The following SNTG1 variants were observed in gnomAD, a reference collection of about 807,000 sequenced individuals.
SNTG1 encodes gamma-1-syntrophin.
A neutral mutation model predicts 74.7 loss-of-function variants in SNTG1; 39 were observed. That is an observed-to-expected ratio of 0.52 (90% CI 0.40 to 0.68). SNTG1 has a LOEUF of 0.68. SNTG1 is among the 30% of genes least tolerant of loss of function. The probability of loss-of-function intolerance (pLI) is 0.00; values close to 1 mark genes in which losing one functional copy is unlikely to be tolerated. For synonymous variants in SNTG1, 254 were observed against 217.1 expected (o/e 1.17, Z -1.49); for missense variants, 685 against 609.5 (o/e 1.12, Z -1.30).
intron 1 of SNTG1, among the ~76,000 whole-genome samples, chr8:50,046,517 A>G (rs1819098062): frequency 6.6e-6 from 1 of 152,206 alleles, no homozygotes; most frequent in Non-Finnish European, 1.5e-5. Flanking sequence ...TGGTAAGTTA[A>G]TTCTACTCTT....
At chr8:50,729,954 G>T (rs10111045) in intron 17 of SNTG1, among the ~76,000 whole-genome samples, 3 of 151,896 alleles carry the variant, frequency 2.0e-5, no homozygotes, top group Non-Finnish European at 4.4e-5. Flanking sequence ...CGAGCAGCTG[G>T]GAGATGGGAG....
At chr8:50,530,836 G>T in intron 10 of SNTG1, among the ~76,000 whole-genome samples, 1 of 152,082 alleles carries the variant, frequency 6.6e-6, no homozygotes, top group African/African-American at 2.4e-5. Context: ...TGAGTAAATC[G>T]ATTTTAATAT....
chr8:50,524,563 A>C (rs2130221137), intron 9 of SNTG1, among the ~76,000 whole-genome samples: 1 of 152,246 alleles, frequency 6.6e-6, no homozygotes, highest in East Asian at 1.9e-4. Context: ...CCACTTGTAT[A>C]GGTGTAGTTG....
At chr8:50,531,457 T>C (rs752171614) in intron 10 of SNTG1, among the ~76,000 whole-genome samples, 1 of 152,150 alleles carries the variant, frequency 6.6e-6, no homozygotes, top group Non-Finnish European at 1.5e-5. Flanking sequence ...AACTTAGATA[T>C]ACAACCAAAT....
chr8:50,014,008 C>A (rs1293554763), intron 1 of SNTG1, among the ~76,000 whole-genome samples: 1 of 151,976 alleles, frequency 6.6e-6, no homozygotes, highest in East Asian at 1.9e-4. Context: ...GAAAAATAAC[C>A]AAAGCCACAG....
intron 13 of SNTG1, among the ~76,000 whole-genome samples, chr8:50,643,504 A>G (rs922700835): frequency 6.6e-6 from 1 of 152,204 alleles, no homozygotes; most frequent in Non-Finnish European, 1.5e-5. Flanking sequence ...TAAAATGACA[A>G]TAGGCTCATT....
intron 1 of SNTG1, among the ~76,000 whole-genome samples, chr8:50,105,584 T>C (rs1159736350): frequency 6.6e-6 from 1 of 152,088 alleles, no homozygotes; most frequent in Admixed American, 6.6e-5. Context: ...GTTATTGGAA[T>C]TTTAGTAGGA....
At chr8:50,360,264 C>A (rs2091922018) in intron 2 of SNTG1, among the ~76,000 whole-genome samples, 1 of 152,130 alleles carries the variant, frequency 6.6e-6, no homozygotes, top group Non-Finnish European at 1.5e-5. Context: ...ATGAAACCCA[C>A]CCCCATTTCC....
Position 50,467,291 on chromosome 8 carries a change from A to C in SNTG1, c.363+16562A>C, listed in dbSNP as rs1284668235. Among the ~76,000 whole-genome samples, 3 of 151,876 alleles carry C rather than the reference A, an allele frequency of 2.0e-5. No homozygotes were observed. The East Asian group carries it at 5.8e-4, about 29-fold the overall frequency. ...ATATAATTTACTAACGAAACTCTAGATTTCGTGCTTTCTTTTTGTAATGTT... is the reference window on the plus strand; with the variant it reads ...ATATAATTTACTAACGAAACTCTAGCTTTCGTGCTTTCTTTTTGTAATGTT... On this transcript the variant is annotated intron_variant, in intron 8 of 18. Transcript: ENST00000642720.
At chr8:50,410,364 C>CA (rs2092931605) in intron 4 of SNTG1, among the ~76,000 whole-genome samples, 3 of 152,058 alleles carry the variant, frequency 2.0e-5, no homozygotes, top group Admixed American at 2.0e-4. Flanking sequence ...CACACATGCA[C>CA]AAAATACACG....
At chr8:49,969,498 G>A (rs1811461742) in intron 1 of SNTG1, among the ~76,000 whole-genome samples, 1 of 137,660 alleles carries the variant, frequency 7.3e-6, no homozygotes, top group African/African-American at 2.8e-5. Flanking sequence ...CCATGTTCAA[G>A]CAATTCTCCT....
chr8:50,508,620 T>C (rs879861143), intron 9 of SNTG1, among the ~76,000 whole-genome samples: 6 of 152,186 alleles, frequency 3.9e-5, no homozygotes, highest in African/African-American at 1.2e-4. Flanking sequence ...TTCTAACTGG[T>C]GTGAGATGGT....
intron 17 of SNTG1, among the ~76,000 whole-genome samples, chr8:50,729,753 A>T (rs1449972258): frequency 6.6e-6 from 1 of 152,148 alleles, no homozygotes; most frequent in East Asian, 1.9e-4. Flanking sequence ...GGATAAGCTG[A>T]CCCACAGGTA....
chr8:50,789,613 T>C (rs1356739486), intron 18 of SNTG1, among the ~76,000 whole-genome samples: 1 of 151,996 alleles, frequency 6.6e-6, no homozygotes, highest in East Asian at 1.9e-4. Flanking sequence ...AACCTGCTTT[T>C]CCCATAATTT....
intron 2 of SNTG1, among the ~76,000 whole-genome samples, chr8:50,259,304 G>A (rs1436387109): frequency 6.6e-6 from 1 of 151,936 alleles, no homozygotes. Context: ...TTTGAGACCA[G>A]CCCGGCCAAC....
intron 1 of SNTG1, among the ~76,000 whole-genome samples, chr8:50,162,389 C>T (rs140922049): frequency 0.046 from 6,951 of 151,662 alleles, 377 homozygotes; most frequent in South Asian, 0.14. Flanking sequence ...GGTGAAACCC[C>T]GTCTCTACTA....
At chr8:50,128,775 A>T (rs1279314777) in intron 1 of SNTG1, among the ~76,000 whole-genome samples, 2 of 152,174 alleles carry the variant, frequency 1.3e-5, no homozygotes, top group African/African-American at 2.4e-5. Flanking sequence ...AGTTCTAATT[A>T]TAATTACAAA....
At chr8:50,233,966 G>C (rs1207669586) in intron 2 of SNTG1, among the ~76,000 whole-genome samples, 1 of 151,758 alleles carries the variant, frequency 6.6e-6, no homozygotes, top group African/African-American at 2.4e-5. Context: ...AAGTCATAAA[G>C]CCACTCTGAA....
chr8:50,552,311 T>G (rs957518318), intron 11 of SNTG1, among the ~76,000 whole-genome samples: 1 of 152,206 alleles, frequency 6.6e-6, no homozygotes, highest in South Asian at 2.1e-4. Flanking sequence ...ACTTTTAAAT[T>G]CAATAGCACT....
Sources: gnomAD v4.1 joint callset for allele counts (sites outside exome capture counted in the v4.1 genomes callset) on GRCh38, gnomAD v4.1.1 for gene constraint, MANE v1.5 for transcripts, NCBI Gene and HGNC (gene_info 2026-07-23, HGNC 2026-07-21) for gene names.